RIMS4: variants seen among roughly 807,000 people sequenced by gnomAD.
The protein encoded by RIMS4 is regulating synaptic membrane exocytosis protein 4.
RIMS4 carries 9 observed loss-of-function variants against 29.0 expected under a neutral mutation model. The ratio of observed to expected loss-of-function variants is 0.31; its 90% CI spans 0.19 to 0.54. The LOEUF (loss-of-function observed/expected upper bound fraction) is 0.54. RIMS4 is among the 20% of genes least tolerant of loss of function. The pLI, the probability that RIMS4 is intolerant of heterozygous loss-of-function variation, is 0.94. For synonymous variants in RIMS4, 130 were observed against 152.9 expected (o/e 0.85, Z 1.10); for missense variants, 193 against 365.7 (o/e 0.53, Z 3.85).
Position 44,757,696 on chromosome 20 carries a change from G to C in RIMS4, c.425C>G (p.Ala142Gly). The change falls in exon 4 of 6, where the codon GCC becomes GGC. Residue 142 changes from alanine to glycine, a missense_variant. Transcript: ENST00000372851. Reference sequence around the variant, plus strand: ...TGGCAGTGTCTTGGAGCCTGGCTTGGCTGTCAGTCCCCGAGCCTGGATAAT... The same window carrying C: ...TGGCAGTGTCTTGGAGCCTGGCTTGCCTGTCAGTCCCCGAGCCTGGATAAT... ...VDIIQARGLT[A>G]KPGSKTLPAA... The C allele has an allele frequency of 6.2e-7, 1 of 1,614,066 alleles. No homozygotes were observed. The highest frequency in any genetic ancestry group is 8.5e-7 in the Non-Finnish European group (1 of 1,179,954).
At chr20:44,775,445 T>G (rs2066155859) in intron 1 of RIMS4, among the ~76,000 whole-genome samples, 1 of 152,036 alleles carries the variant, frequency 6.6e-6, no homozygotes, top group Admixed American at 6.6e-5. Flanking sequence ...GAGCTAGAAG[T>G]GTCTGGAAAT....
chr20:44,791,318 C>T (rs2066231471), intron 1 of RIMS4, among the ~76,000 whole-genome samples: 1 of 152,208 alleles, frequency 6.6e-6, no homozygotes, highest in Admixed American at 6.5e-5. Context: ...CATGGGTGCA[C>T]ATAGCATATA....
intron 1 of RIMS4, among the ~76,000 whole-genome samples, chr20:44,779,943 G>A (rs1403291063): frequency 6.6e-6 from 1 of 152,144 alleles, no homozygotes. Context: ...AAAGCCTGTT[G>A]ATTTACTGTA....
chr20:44,810,504 C>CGGCGGCGGCGGTGGCGGCGGCGGT lies in RIMS4; in HGVS notation c.-257_-234dup, dbSNP rs972584206. Reference sequence around the variant, plus strand: ...CGCGCTGTGCTGCTGGCGGCGGCGGCGGCGGCGGCGGTGGCGGCGGCGGTG... The same window carrying CGGCGGCGGCGGTGGCGGCGGCGGT: ...CGCGCTGTGCTGCTGGCGGCGGCGGCGGCGGCGGCGGTGGCGGCGGCGGTGGCGGCGGCGGTGGCGGCGGCGGTG... On this transcript the variant is annotated 5_prime_UTR_variant, in exon 1 of 6. Transcript: ENST00000372851. 4.9e-5 allele frequency among the ~76,000 whole-genome samples: 7 copies of CGGCGGCGGCGGTGGCGGCGGCGGT among 144,052 alleles called. No homozygotes were observed. Among genetic ancestry groups the CGGCGGCGGCGGTGGCGGCGGCGGT allele is most frequent in the South Asian group, 2.1e-4 (1 of 4,712 alleles). 94.5% of individuals were successfully genotyped at this position (144,052 alleles called of 152,430 possible).
chr20:44,760,910 A>G (rs1393134549), intron 2 of RIMS4, among the ~76,000 whole-genome samples: 2 of 152,112 alleles, frequency 1.3e-5, no homozygotes, highest in African/African-American at 4.8e-5. Flanking sequence ...ATAAGTAGAG[A>G]ATTAATGTGG....
Position 44,758,061 on chromosome 20 carries a change from G to T in RIMS4, c.349+11C>A. On this transcript the variant is annotated intron_variant, in intron 3 of 5. Coordinates refer to ENST00000372851, the MANE Select transcript of RIMS4 (RefSeq NM_182970.4). ...CCCTAGTCCATTTGAAACCAGCCTT[G>T]GGGCACTCACCCATGGGTGTGGTGG... 2 of 1,583,524 alleles carry T rather than the reference G, an allele frequency of 1.3e-6. No homozygotes were observed. Among genetic ancestry groups the T allele is most frequent in the East Asian group, 4.5e-5 (2 of 44,588 alleles).
At chr20:44,757,942 T>C (rs2066067733) in intron 3 of RIMS4, 130 bp downstream of exon 3, 3 of 920,326 alleles carry the variant, frequency 3.3e-6, no homozygotes, top group African/African-American at 1.6e-5. Flanking sequence ...CTTGAGAGTG[T>C]GCCCTGGGCT....
chr20:44,781,678 G>A (rs571470989), intron 1 of RIMS4, among the ~76,000 whole-genome samples: 1 of 152,250 alleles, frequency 6.6e-6, no homozygotes, highest in African/African-American at 2.4e-5. Flanking sequence ...GAGCCAATGT[G>A]GAAAGACTTT....
chr20:44,758,266 CA>C, intron 2 of RIMS4, 82 bp from the exon 3 acceptor site: 6 of 905,726 alleles, frequency 6.6e-6, no homozygotes, highest in Non-Finnish European at 1.0e-5. Flanking sequence ...AACCTCCATG[CA>C]ATGGATATGC....
chr20:44,762,605 G>A (rs1464087913), intron 2 of RIMS4, among the ~76,000 whole-genome samples: 4 of 152,210 alleles, frequency 2.6e-5, no homozygotes, highest in Non-Finnish European at 5.9e-5. Context: ...GGCAGGCCTG[G>A]TAATTAGCGG....
At chr20:44,794,366 C>T (rs2066245837) in intron 1 of RIMS4, among the ~76,000 whole-genome samples, 1 of 152,160 alleles carries the variant, frequency 6.6e-6, no homozygotes, top group South Asian at 2.1e-4. Context: ...ACATTCAGAC[C>T]CCACTCCCAA....
chr20:44,781,137 A>G (rs1275407969), intron 1 of RIMS4, among the ~76,000 whole-genome samples: 1 of 152,176 alleles, frequency 6.6e-6, no homozygotes, highest in Non-Finnish European at 1.5e-5. Context: ...GGGGACATGA[A>G]ACAGATAAGT....
intron 2 of RIMS4, among the ~76,000 whole-genome samples, chr20:44,764,980 TG>T (rs1366160027): frequency 6.6e-6 from 1 of 152,182 alleles, no homozygotes; most frequent in African/African-American, 2.4e-5. Flanking sequence ...TTTTTTTATT[TG>T]TCAAAAACTC....
chr20:44,758,057 C>A lies in RIMS4; in HGVS notation c.349+15G>T, dbSNP rs374579254. 4.1e-5 allele frequency: 64 copies of A among 1,576,156 alleles called. No homozygotes were observed. Among genetic ancestry groups the A allele is most frequent in the Non-Finnish European group, 5.5e-5 (63 of 1,154,194 alleles). On this transcript the variant is annotated intron_variant, in intron 3 of 5. Coordinates refer to ENST00000372851, the MANE Select transcript of RIMS4 (RefSeq NM_182970.4). The stretch of plus-strand genomic sequence containing the variant: ...ACTCCCCTAGTCCATTTGAAACCAG[C>A]CTTGGGGCACTCACCCATGGGTGTG...
rs1360616056 is a variant in RIMS4 at position 44,810,498 on chromosome 20, CGGCGGCGGCGGCGGCGGT to C, written c.-245_-228del. On this transcript the variant is annotated 5_prime_UTR_variant, in exon 1 of 6. Transcript: ENST00000372851. ...CCGAGGCGCGCTGTGCTGCTGGCGGCGGCGGCGGCGGCGGCGGTGGCGGCGGCGGTGGCGGCGCAGCGC... is the reference window on the plus strand; with the variant it reads ...CCGAGGCGCGCTGTGCTGCTGGCGGCGGCGGCGGCGGTGGCGGCGCAGCGC... Among the ~76,000 whole-genome samples, 48 of 128,640 alleles carry C rather than the reference CGGCGGCGGCGGCGGCGGT, an allele frequency of 3.7e-4. No homozygotes were observed. The highest frequency in any genetic ancestry group is 9.4e-4 in the Admixed American group (13 of 13,768). The allele number at this position is 128,640 out of a possible 152,430, so 84.4% of individuals were successfully genotyped here. A position where few individuals can be genotyped will look rare whatever the true frequency, so the allele number is the denominator to read the frequency against.
intron 2 of RIMS4, among the ~76,000 whole-genome samples, chr20:44,767,744 A>C (rs1047814802): frequency 1.1e-4 from 16 of 152,208 alleles, no homozygotes; most frequent in Non-Finnish European, 1.9e-4. Context: ...TAACAGTCCC[A>C]TTGTCAGGTT....
Position 44,756,439 on chromosome 20 carries a change from C to T in RIMS4, c.592-87G>A. On this transcript the variant is annotated intron_variant, in intron 5 of 5. Coordinates refer to ENST00000372851, the MANE Select transcript of RIMS4 (RefSeq NM_182970.4). This position sits in a 1 kb window ranked among gnomAD's most constrained non-coding sequence, Gnocchi z 5.9. ...GAACCTGGGTCGCCCCATGCCCAAT[C>T]CAGCTCAGTCCTGTGATTTCTACCT... 1.9e-6 allele frequency: 2 copies of T among 1,044,952 alleles called. No homozygotes were observed. Among genetic ancestry groups the T allele is most frequent in the Middle Eastern group, 2.1e-4 (1 of 4,708 alleles). 64.7% of individuals were successfully genotyped at this position (1,044,952 alleles called of 1,614,324 possible).
chr20:44,810,382 C>A lies in RIMS4; in HGVS notation c.-111G>T. On this transcript the variant is annotated 5_prime_UTR_variant, in exon 1 of 6. Transcript: ENST00000372851. Reference sequence around the variant, plus strand: ...CGGAGTACGGCGCGCGGCGTGGTGGCGGCGGCCCGGGGCCGGGCCGAGGCT... The same window carrying A: ...CGGAGTACGGCGCGCGGCGTGGTGGAGGCGGCCCGGGGCCGGGCCGAGGCT... 1 of 183,792 alleles carries A rather than the reference C, an allele frequency of 5.4e-6. No homozygotes were observed. Among genetic ancestry groups the A allele is most frequent in the Non-Finnish European group, 9.9e-6 (1 of 100,638 alleles). The allele number at this position is 183,792 out of a possible 1,614,324, so 11.4% of individuals were successfully genotyped here. A position where few individuals can be genotyped will look rare whatever the true frequency, so the allele number is the denominator to read the frequency against.
Position 44,803,571 on chromosome 20 carries a change from G to A in RIMS4, c.97+6604C>T, listed in dbSNP as rs149397528. Among the ~76,000 whole-genome samples, 290 of 152,104 alleles carry A rather than the reference G, an allele frequency of 1.9e-3. 1 individual carries two copies. Among genetic ancestry groups the A allele is most frequent in the African/African-American group, 6.5e-3 (269 of 41,472 alleles). ...GTTGCAGAAACTGTTAATGAAGTGC[G>A]CACTGCTAAATGCAGTTACAATTAC... is the stretch of plus-strand genomic sequence containing the variant. On this transcript the variant is annotated intron_variant, in intron 1 of 5. Coordinates refer to ENST00000372851, the MANE Select transcript of RIMS4 (RefSeq NM_182970.4).
Sources: gnomAD v4.1 joint callset for allele counts (sites outside exome capture counted in the v4.1 genomes callset) on GRCh38, gnomAD v4.1.1 for gene constraint, Gnocchi (gnomAD v3.1) non-coding constraint, MANE v1.5 for transcripts, NCBI Gene and HGNC (gene_info 2026-07-23, HGNC 2026-07-21) for gene names.